The following SETBP1 variants were observed in gnomAD, a reference collection of about 807,000 sequenced individuals.
SETBP1 encodes SET binding protein 1, also known as SET-binding protein.
Under a neutral mutation model 101.0 loss-of-function variants are expected in SETBP1, and 9 were observed. The observed-to-expected ratio is 0.09, with a 90% CI of 0.05 to 0.16. The LOEUF (loss-of-function observed/expected upper bound fraction) is 0.16. SETBP1 is among the 10% of genes least tolerant of loss of function. The pLI, the probability that SETBP1 is intolerant of heterozygous loss-of-function variation, is 1.00. For missense variants in SETBP1, 1,858 were observed against 2,033.8 expected, an observed-to-expected ratio of 0.91 and a Z score of 1.66; for synonymous variants, 818 against 788.5, an observed-to-expected ratio of 1.04 and a Z score of -0.63.
At chr18:44,879,254 G>T (rs1033169441) in intron 3 of SETBP1, among the ~76,000 whole-genome samples, 2 of 152,152 alleles carry the variant, frequency 1.3e-5, no homozygotes, top group African/African-American at 4.8e-5. Flanking sequence ...TTTATAGTTT[G>T]GTAGTTAAGA....
intron 4 of SETBP1, among the ~76,000 whole-genome samples, chr18:44,955,757 C>T (rs893513458): frequency 1.3e-5 from 2 of 152,160 alleles, no homozygotes; most frequent in Non-Finnish European, 2.9e-5. Flanking sequence ...GCTCTTGGTG[C>T]CCAGTCCAGT....
At chr18:44,897,512 A>G (rs1181766499) in intron 3 of SETBP1, among the ~76,000 whole-genome samples, 5 of 152,160 alleles carry the variant, frequency 3.3e-5, no homozygotes, top group Admixed American at 6.5e-5. Flanking sequence ...TCTGGGACAC[A>G]TCGGGCTCAT....
intron 4 of SETBP1, among the ~76,000 whole-genome samples, chr18:45,018,623 G>A (rs954019): frequency 0.42 from 63,985 of 152,056 alleles, 14,218 homozygotes; most frequent in African/African-American, 0.55. Context: ...TGTGTTATGT[G>A]CTGGATAGAT....
chr18:45,038,409 T>C (rs777741658), intron 4 of SETBP1, 76 bp from the exon 5 acceptor site: 84 of 1,318,432 alleles, frequency 6.4e-5, no homozygotes, highest in Non-Finnish European at 9.0e-5. Context: ...TTTCCTCAGA[T>C]CATGTCCAGG....
At chr18:44,738,933 ATGGGCC>A (rs2070039958) in intron 2 of SETBP1, among the ~76,000 whole-genome samples, 1 of 152,182 alleles carries the variant, frequency 6.6e-6, no homozygotes, top group Non-Finnish European at 1.5e-5. Context: ...AAAGTCAGAA[ATGGGCC>A]TCACTGGGCT....
chr18:44,702,594 A>G (rs2069135586), intron 2 of SETBP1, among the ~76,000 whole-genome samples: 1 of 152,188 alleles, frequency 6.6e-6, no homozygotes, highest in Admixed American at 6.5e-5. Context: ...TGTTTGCATT[A>G]GTTTTCATAG....
At chr18:44,715,005 G>A (rs1167333910) in intron 2 of SETBP1, among the ~76,000 whole-genome samples, 1 of 152,140 alleles carries the variant, frequency 6.6e-6, no homozygotes, top group East Asian at 1.9e-4. Context: ...GGTTTAAATG[G>A]CTTGCCTGAG....
rs1194553352 is a variant in SETBP1 at position 44,688,267 on chromosome 18, G to A, written c.-173+7246G>A. ...CCAATGATTTTCAGTTCTGTCAGTGGAAAGGAGCTTCTTGGAGTTTGAATT... is the reference window on the plus strand; with the variant it reads ...CCAATGATTTTCAGTTCTGTCAGTGAAAAGGAGCTTCTTGGAGTTTGAATT... On this transcript the variant is annotated intron_variant, in intron 1 of 5. Transcript: ENST00000649279. Among the ~76,000 whole-genome samples the A allele has an allele frequency of 5.9e-5, 9 of 152,162 alleles. No homozygotes were observed. In the East Asian group the frequency reaches 1.7e-3, roughly 29 times the overall value.
At chr18:44,977,746 A>G (rs999826561) in intron 4 of SETBP1, among the ~76,000 whole-genome samples, 2 of 152,198 alleles carry the variant, frequency 1.3e-5, no homozygotes, top group African/African-American at 4.8e-5. Context: ...GCCGATAAAC[A>G]TGGGTGTTTC....
chr18:44,947,475 T>C (rs2071234039), intron 3 of SETBP1, among the ~76,000 whole-genome samples: 2 of 147,366 alleles, frequency 1.4e-5, no homozygotes. Context: ...TCCAAAAGAA[T>C]CACACCGTTT....
intron 4 of SETBP1, among the ~76,000 whole-genome samples, chr18:45,010,908 G>A (rs1260433591): frequency 6.6e-6 from 1 of 152,130 alleles, no homozygotes; most frequent in African/African-American, 2.4e-5. Context: ...GGAGTCTAAA[G>A]GAAAGCAAAG....
chr18:44,804,896 C>T (rs1180423630), intron 2 of SETBP1, among the ~76,000 whole-genome samples: 2 of 152,082 alleles, frequency 1.3e-5, no homozygotes, highest in Non-Finnish European at 2.9e-5. Context: ...TGTGCAAAGG[C>T]TTCCACTCCT....
At chr18:44,989,202 A>G (rs2072302772) in intron 4 of SETBP1, 1 of 152,250 alleles carries the variant, frequency 6.6e-6, no homozygotes, top group African/African-American at 2.4e-5. Context: ...ATATGTTTTA[A>G]AAAGTAAAGA....
intron 2 of SETBP1, among the ~76,000 whole-genome samples, chr18:44,863,188 C>T (rs1006384456): frequency 6.6e-6 from 1 of 152,200 alleles, no homozygotes; most frequent in East Asian, 1.9e-4. Context: ...TTGGTAGAAG[C>T]CCTCCTTAGA....
At chr18:44,747,500 G>C (rs1275310820) in intron 2 of SETBP1, among the ~76,000 whole-genome samples, 2 of 152,272 alleles carry the variant, frequency 1.3e-5, no homozygotes, top group African/African-American at 4.8e-5. Flanking sequence ...GAATGGCAGG[G>C]AGGAGCTTTA....
At chr18:44,755,937 C>G (rs535538721) in intron 2 of SETBP1, among the ~76,000 whole-genome samples, 3 of 152,004 alleles carry the variant, frequency 2.0e-5, no homozygotes. Flanking sequence ...CAAAATTGGC[C>G]GGGCGCGGTG....
intron 2 of SETBP1, among the ~76,000 whole-genome samples, chr18:44,817,451 C>T (rs543885291): frequency 1.3e-5 from 2 of 151,976 alleles, no homozygotes; most frequent in Non-Finnish European, 2.9e-5. Flanking sequence ...TTTGGGAGGC[C>T]GAGGCAGGCA....
intron 3 of SETBP1, among the ~76,000 whole-genome samples, chr18:44,907,570 G>A (rs529599537): frequency 3.2e-4 from 48 of 152,248 alleles, no homozygotes; most frequent in African/African-American, 9.6e-4. Context: ...AAGTGGCATC[G>A]CATTGTGATT....
chr18:44,996,984 T>C lies in SETBP1; in HGVS notation c.4001-41501T>C, dbSNP rs947847109. Among the ~76,000 whole-genome samples, 3 of 152,304 alleles carry C rather than the reference T, an allele frequency of 2.0e-5. No individual in the cohort carries two copies. In the South Asian group the frequency reaches 6.2e-4, roughly 32 times the overall value. On this transcript the variant is annotated intron_variant, in intron 4 of 5. Coordinates refer to ENST00000649279, the MANE Select transcript of SETBP1 (RefSeq NM_015559.3). The stretch of plus-strand genomic sequence containing the variant: ...TCCCAGAGTGTTTCCTTCAAGACTC[T>C]TTATTGACTAGGGAAGATCAGATGA...
Sources: gnomAD v4.1 joint callset for allele counts (sites outside exome capture counted in the v4.1 genomes callset) on GRCh38, gnomAD v4.1.1 for gene constraint, MANE v1.5 for transcripts, NCBI Gene and HGNC (gene_info 2026-07-23, HGNC 2026-07-21) for gene names.